Variants in CRB1 observed in about 807,000 individuals in gnomAD.
CRB1 encodes crumbs cell polarity complex component 1.
In CRB1, 83 loss-of-function variants were observed where a neutral mutation model predicts 120.0. The ratio of observed to expected loss-of-function variants is 0.69; its 90% CI spans 0.58 to 0.83. The LOEUF (loss-of-function observed/expected upper bound fraction) is 0.83. CRB1 is among the 40% of genes least tolerant of loss of function. The probability of loss-of-function intolerance (pLI) is 0.00; values close to 1 mark genes in which losing one functional copy is unlikely to be tolerated. For missense variants in CRB1, 1,699 were observed against 1,687.6 expected (o/e 1.01, Z -0.12); for synonymous variants, 625 against 612.5 (o/e 1.02, Z -0.30).
intron 5 of CRB1, among the ~76,000 whole-genome samples, chr1:197,389,835 G>A (rs2125412809): frequency 6.6e-6 from 1 of 152,102 alleles, no homozygotes; most frequent in South Asian, 2.1e-4. Context: ...GCATTTTGTT[G>A]CAGTTTCTAA....
rs190181133 is a variant in CRB1 at position 197,406,458 on chromosome 1, T to C, written c.1172-14542T>C. Among the ~76,000 whole-genome samples, 1,468 of 152,294 alleles carry C rather than the reference T, an allele frequency of 9.6e-3. 24 individuals are homozygous for C. Among genetic ancestry groups the C allele is most frequent in the African/African-American group, 0.033 (1,381 of 41,552 alleles). ...CACTGCGGAGGGCCGCAGGGTCCTC[T>C]GCCTAGGAAAACCAGAGACCTTTGT... is the stretch of plus-strand genomic sequence containing the variant. On this transcript the variant is annotated intron_variant, in intron 5 of 11. Transcript: ENST00000367400.
chr1:197,217,153 T>C, the CRB1 span, among the ~76,000 whole-genome samples: 1 of 152,186 alleles, frequency 6.6e-6, no homozygotes, highest in South Asian at 2.1e-4. Context: ...TTAGTACTTA[T>C]GGATGGAAAT....
At chr1:197,271,599 A>G (rs189040660) in intron 1 of CRB1, among the ~76,000 whole-genome samples, 41 of 152,300 alleles carry the variant, frequency 2.7e-4, no homozygotes, top group Admixed American at 2.6e-3. Flanking sequence ...TTAAATTTTA[A>G]TAATTCAAGA....
At chr1:197,427,095 A>G (rs978275056) in intron 6 of CRB1, among the ~76,000 whole-genome samples, 1 of 152,214 alleles carries the variant, frequency 6.6e-6, no homozygotes, top group African/African-American at 2.4e-5. Context: ...GTTGGAGTAT[A>G]GTAGTGTCTG....
At chr1:197,217,091 T>A in the CRB1 span, among the ~76,000 whole-genome samples, 9 of 152,080 alleles carry the variant, frequency 5.9e-5, no homozygotes, top group Non-Finnish European at 8.8e-5. Context: ...AATAGATATT[T>A]TTCCAAAGAC....
At chr1:197,405,301 C>G (rs948755274) in intron 5 of CRB1, among the ~76,000 whole-genome samples, 1 of 152,174 alleles carries the variant, frequency 6.6e-6, no homozygotes, top group Admixed American at 6.5e-5. Flanking sequence ...TGGTCTCCAG[C>G]TCCTAACCGC....
the CRB1 span, among the ~76,000 whole-genome samples, chr1:197,257,730 A>C: frequency 6.6e-6 from 1 of 152,046 alleles, no homozygotes; most frequent in Non-Finnish European, 1.5e-5. Context: ...CATTTTTTCC[A>C]TGTCTGTTCA....
chr1:197,212,637 G>C, the CRB1 span, among the ~76,000 whole-genome samples: 2 of 152,070 alleles, frequency 1.3e-5, no homozygotes, highest in African/African-American at 4.8e-5. Flanking sequence ...AATTACAAAA[G>C]GGCACAAGAA....
At chr1:197,458,683 C>T (rs556288130) in intron 11 of CRB1, among the ~76,000 whole-genome samples, 2 of 152,220 alleles carry the variant, frequency 1.3e-5, no homozygotes, top group South Asian at 2.1e-4. Context: ...GTCACCATTC[C>T]ATCCACACGT....
At chr1:197,252,576 ATATATATG>A in the CRB1 span, among the ~76,000 whole-genome samples, 23 of 35,052 alleles carry the variant, frequency 6.6e-4, no homozygotes, top group African/African-American at 1.7e-3. Flanking sequence ...ATATATATAT[ATATATATG>A]TGTGTGTGTG....
chr1:197,222,288 T>C, the CRB1 span: 2 of 631,396 alleles, frequency 3.2e-6, no homozygotes, highest in Admixed American at 2.0e-5. Flanking sequence ...TAGTTCTTGG[T>C]CTGTTATTTT....
chr1:197,360,708 T>G (rs1660726644), intron 5 of CRB1, among the ~76,000 whole-genome samples: 1 of 152,248 alleles, frequency 6.6e-6, no homozygotes, highest in Non-Finnish European at 1.5e-5. Context: ...ATTTTCTTTT[T>G]GTAGATTCCA....
At chr1:197,319,625 G>A (rs1311565892) in intron 1 of CRB1, among the ~76,000 whole-genome samples, 4 of 151,832 alleles carry the variant, frequency 2.6e-5, no homozygotes, top group Non-Finnish European at 5.9e-5. Flanking sequence ...AAAATATTTA[G>A]GATCAGTTTA....
rs150412614 is a variant in CRB1 at position 197,427,555 on chromosome 1, C to G, written c.2230C>G (p.Arg744Gly). 2 of 1,613,820 alleles carry G rather than the reference C, an allele frequency of 1.2e-6. No homozygotes were observed. The change falls in exon 7 of 12, where the codon CGA becomes GGA. Residue 744 changes from arginine (R) to glycine (G), a missense_variant. Coordinates refer to ENST00000367400, the MANE Select transcript of CRB1 (RefSeq NM_201253.3). Reference sequence around the variant, plus strand: ...CACCATCAGCCTCTCCATGTTTGTCCGAACGCTTCAACCATCAGGCTTACT... The same window carrying G: ...CACCATCAGCCTCTCCATGTTTGTCGGAACGCTTCAACCATCAGGCTTACT... The part of the protein sequence containing the change: ...GDTISLSMFV[R>G]TLQPSGLLLA...
chr1:197,442,188 T>A lies in CRB1; in HGVS notation c.3901T>A (p.Cys1301Ser). 1 of 1,614,142 alleles carries A rather than the reference T, an allele frequency of 6.2e-7. No individual in the cohort carries two copies. The highest frequency in any genetic ancestry group is 1.1e-5 in the South Asian group (1 of 91,078). ...AAGGTGTGAAAAGGACATTGATGAG[T>A]GTGCCTCTGATCCGTGTGTCAATGG... ...GEWCEKDIDE[C>S]ASDPCVNGGL... The change falls in exon 11 of 12, where the codon TGT becomes AGT. Residue 1301 changes from cysteine (C) to serine (S), a missense_variant. Transcript: ENST00000367400.
chr1:197,403,764 A>G (rs1663187107), intron 5 of CRB1, among the ~76,000 whole-genome samples: 1 of 151,910 alleles, frequency 6.6e-6, no homozygotes, highest in African/African-American at 2.4e-5. Flanking sequence ...GAAAGGAATT[A>G]GTTTTCTCTT....
At chr1:197,255,176 C>G in the CRB1 span, among the ~76,000 whole-genome samples, 1 of 152,068 alleles carries the variant, frequency 6.6e-6, no homozygotes, top group Non-Finnish European at 1.5e-5. Flanking sequence ...TTTTAAAACA[C>G]TGTACTGCAA....
At chr1:197,312,727 A>G (rs1437732828) in intron 1 of CRB1, among the ~76,000 whole-genome samples, 2 of 152,222 alleles carry the variant, frequency 1.3e-5, no homozygotes, top group African/African-American at 4.8e-5. Flanking sequence ...ACACATAGCA[A>G]CATTTAATAT....
the CRB1 span, chr1:197,222,613 A>C: frequency 1.3e-6 from 1 of 772,446 alleles, no homozygotes; most frequent in Non-Finnish European, 2.4e-6. Context: ...GAAAGAGTGT[A>C]TTTGGTAGGG....
Sources: gnomAD v4.1 joint callset for allele counts (sites outside exome capture counted in the v4.1 genomes callset) on GRCh38, gnomAD v4.1.1 for gene constraint, MANE v1.5 for transcripts, NCBI Gene and HGNC (gene_info 2026-07-23, HGNC 2026-07-21) for gene names.